ITPR1: variants seen among roughly 807,000 people sequenced by gnomAD.
The protein encoded by ITPR1 is inositol 1,4,5-trisphosphate receptor type 1, also known as inositol 1,4,5-trisphosphate-gated calcium channel ITPR1.
In ITPR1, 96 loss-of-function variants were observed where a neutral mutation model predicts 318.4. That is an observed-to-expected ratio of 0.30 (90% CI 0.26 to 0.36). The LOEUF is 0.36. ITPR1 is among the 10% of genes least tolerant of loss of function. The pLI is 1.00. For synonymous variants in ITPR1, 1,312 were observed against 1,289.9 expected, an observed-to-expected ratio of 1.02 and a Z score of -0.37; for missense variants, 2,440 against 3,460.2, an observed-to-expected ratio of 0.71 and a Z score of 7.40.
intron 4 of ITPR1, among the ~76,000 whole-genome samples, chr3:4,618,457 G>T (rs1415977370): frequency 6.6e-6 from 1 of 152,118 alleles, no homozygotes; most frequent in East Asian, 1.9e-4. Flanking sequence ...CCTCCCACTA[G>T]AGTTATGTCC....
chr3:4,742,002 C>T (rs113945494), intron 44 of ITPR1, among the ~76,000 whole-genome samples: 28 of 152,294 alleles, frequency 1.8e-4, no homozygotes, highest in African/African-American at 5.3e-4. Flanking sequence ...GAGGCAGTGA[C>T]TTGTCCCCAG....
chr3:4,700,631 G>A (rs2094633091), intron 35 of ITPR1, among the ~76,000 whole-genome samples: 1 of 152,174 alleles, frequency 6.6e-6, no homozygotes, highest in Admixed American at 6.5e-5. Flanking sequence ...TGAAGAAAGG[G>A]GAGGATTTTA....
chr3:4,715,252 G>A (rs1481132006), intron 39 of ITPR1, among the ~76,000 whole-genome samples: 1 of 152,186 alleles, frequency 6.6e-6, no homozygotes, highest in Non-Finnish European at 1.5e-5. Context: ...GTGTTTTGAG[G>A]TCCACCTACA....
At chr3:4,685,284 G>C (rs145640483) in intron 30 of ITPR1, 78 bp downstream of exon 30, 48 of 1,379,862 alleles carry the variant, frequency 3.5e-5, no homozygotes, top group Non-Finnish European at 4.2e-5. Flanking sequence ...TTCACATCTG[G>C]ATATTGTTAG....
At chr3:4,709,326 C>T (rs3804995) in intron 37 of ITPR1, among the ~76,000 whole-genome samples, 105,966 of 152,160 alleles carry the variant, frequency 0.7, 38,303 homozygotes, top group East Asian at 0.85. Context: ...TTAAACCTTA[C>T]TGAGTGATTA....
chr3:4,807,077 TACAAAGAGAGGGGG>T (rs1474581304), intron 55 of ITPR1, among the ~76,000 whole-genome samples: 2 of 104,068 alleles, frequency 1.9e-5, no homozygotes, highest in Non-Finnish European at 3.7e-5. Context: ...GAGGGGGACT[TACAAAGAGAGGGGG>T]GCTTACAAAG....
intron 26 of ITPR1, among the ~76,000 whole-genome samples, chr3:4,682,912 G>A (rs1039836961): frequency 2.6e-5 from 4 of 152,092 alleles, no homozygotes; most frequent in Non-Finnish European, 5.9e-5. Context: ...AATATAGTCA[G>A]GCATGGTAGT....
intron 4 of ITPR1, among the ~76,000 whole-genome samples, chr3:4,573,657 C>A (rs543490934): frequency 6.6e-6 from 1 of 152,220 alleles, no homozygotes; most frequent in African/African-American, 2.4e-5. Context: ...GCCTTAAACA[C>A]ACTAAGATTG....
chr3:4,672,994 C>T (rs2094118055), intron 20 of ITPR1, 142 bp from the exon 21 acceptor site: 5 of 827,350 alleles, frequency 6.0e-6, no homozygotes, highest in Non-Finnish European at 5.5e-6. Context: ...TCCTGGTATA[C>T]AAGAGCAATT....
chr3:4,503,039 C>T (rs304025), intron 2 of ITPR1, among the ~76,000 whole-genome samples: 14,660 of 151,940 alleles, frequency 0.096, 739 homozygotes, highest in Non-Finnish European at 0.11. Context: ...GAGCTGAGAT[C>T]GCACCACTGC....
At chr3:4,560,888 C>G (rs4685759) in intron 4 of ITPR1, among the ~76,000 whole-genome samples, 84,383 of 151,986 alleles carry the variant, frequency 0.56, 23,924 homozygotes, top group African/African-American at 0.65. Context: ...GTTCTTTTAA[C>G]CTTTTGAATT....
chr3:4,697,259 T>C lies in ITPR1; in HGVS notation c.4394T>C (p.Val1465Ala). 2 of 1,558,300 alleles carry C rather than the reference T, an allele frequency of 1.3e-6. No homozygotes were observed. The highest frequency in any genetic ancestry group is 1.7e-6 in the Non-Finnish European group (2 of 1,150,234). The change falls in exon 34 of 62, where the codon GTA (valine) becomes GCA (alanine). Residue 1465 changes from valine (V) to alanine (A), a missense_variant. Physicochemically the swap from Val to Ala is moderately conservative, Grantham distance 64. Around this residue, in one of 23 missense-constraint regions of ITPR1, gnomAD observed 73 missense variants for 59.5 expected, o/e 1.23. Coordinates refer to ENST00000649015, the MANE Select transcript of ITPR1 (RefSeq NM_001378452.1). ...TGGAAATTGTTTGAGAATTTCCTTG[T>C]AGACATCTGCAGGGTAAGGCTTTTG... ...HMWKLFENFL[V>A]DICRACNNTS... is the part of the protein sequence containing the mutation.
intron 2 of ITPR1, among the ~76,000 whole-genome samples, chr3:4,506,107 C>T (rs1175358329): frequency 2.6e-5 from 4 of 152,198 alleles, no homozygotes; most frequent in Non-Finnish European, 4.4e-5. Flanking sequence ...GATAAGCCCT[C>T]ATTATCCCCA....
At chr3:4,584,778 C>G (rs1321196976) in intron 4 of ITPR1, among the ~76,000 whole-genome samples, 2 of 152,048 alleles carry the variant, frequency 1.3e-5, no homozygotes, top group African/African-American at 2.4e-5. Flanking sequence ...CAGAAAGACC[C>G]CCGTTCATCT....
At chr3:4,794,939 T>C in intron 52 of ITPR1, 126 bp from the exon 53 acceptor site, 1 of 1,031,250 alleles carries the variant, frequency 9.7e-7, no homozygotes, top group Non-Finnish European at 1.4e-6. Context: ...TCATTTTTAC[T>C]CTTGTGGTAA....
At chr3:4,824,631 C>T (rs1333319337) in intron 60 of ITPR1, among the ~76,000 whole-genome samples, 1 of 152,096 alleles carries the variant, frequency 6.6e-6, no homozygotes, top group South Asian at 2.1e-4. Context: ...ACTGAATTAG[C>T]CTCCTTTAAA....
intron 61 of ITPR1, among the ~76,000 whole-genome samples, chr3:4,841,689 C>T (rs549086318): frequency 6.6e-6 from 1 of 152,106 alleles, no homozygotes; most frequent in Non-Finnish European, 1.5e-5. Flanking sequence ...ATCTGATCTT[C>T]GGGAGAGGAT....
At chr3:4,784,958 A>G (rs900395213) in intron 51 of ITPR1, among the ~76,000 whole-genome samples, 4 of 152,062 alleles carry the variant, frequency 2.6e-5, no homozygotes, top group African/African-American at 7.2e-5. Context: ...GTGAAAGGGG[A>G]GACTCCACCT....
At chr3:4,642,632 A>G (rs2093363023) in intron 7 of ITPR1, among the ~76,000 whole-genome samples, 1 of 152,236 alleles carries the variant, frequency 6.6e-6, no homozygotes, top group African/African-American at 2.4e-5. Flanking sequence ...AGGATGGAAA[A>G]GAAACAACCG....
Sources: allele counts gnomAD v4.1 joint callset (sites outside exome capture counted in the v4.1 genomes callset), GRCh38; gene constraint gnomAD v4.1.1; regional missense constraint gnomAD v4.1.1; transcripts MANE v1.5; gene names NCBI Gene and HGNC (gene_info 2026-07-23, HGNC 2026-07-21).